The following GREM2 variants were observed in gnomAD, a reference collection of about 807,000 sequenced individuals.
GREM2 encodes the protein gremlin-2.
A neutral mutation model predicts 14.2 loss-of-function variants in GREM2; 11 were observed. That is an observed-to-expected ratio of 0.78 (90% CI 0.49 to 1.28). The LOEUF (loss-of-function observed/expected upper bound fraction) is 1.28, where lower values mean the gene tolerates loss of function less well. Ranked by LOEUF, GREM2 falls within the 50% of genes most tolerant of loss-of-function variation. The probability of loss-of-function intolerance (pLI) is 0.00; values close to 1 mark genes in which losing one functional copy is unlikely to be tolerated. For synonymous variants in GREM2, 98 were observed against 97.6 expected, an observed-to-expected ratio of 1.00 and a Z score of -0.02; for missense variants, 210 against 218.5, an observed-to-expected ratio of 0.96 and a Z score of 0.24.
At chr1:240,583,322 G>A (rs1439343321) in intron 1 of GREM2, among the ~76,000 whole-genome samples, 1 of 152,182 alleles carries the variant, frequency 6.6e-6, no homozygotes, top group Non-Finnish European at 1.5e-5. Context: ...TAAACATGCA[G>A]ACGTTATTTA....
rs150685843 is a variant in GREM2 at position 240,490,497 on chromosome 1, T to C, written c.*2472A>G. On this transcript the variant is annotated 3_prime_UTR_variant, in exon 2 of 2. Transcript: ENST00000318160. ...TGGCACGTCACACCGGGATCACATATAATCCTAGATTATCTTTATTTGTTC... is the reference window on the plus strand; with the variant it reads ...TGGCACGTCACACCGGGATCACATACAATCCTAGATTATCTTTATTTGTTC... 3.4e-3 allele frequency: 515 copies of C among 152,780 alleles called. No homozygotes were observed. The highest frequency in any genetic ancestry group is 0.012 in the African/African-American group (486 of 41,582). The allele number at this position is 152,780 out of a possible 1,614,324, so 9.5% of individuals were successfully genotyped here. A position where few individuals can be genotyped will look rare whatever the true frequency, so the allele number is the denominator to read the frequency against.
chr1:240,599,173 CA>C (rs1452220357), intron 1 of GREM2, among the ~76,000 whole-genome samples: 1 of 150,934 alleles, frequency 6.6e-6, no homozygotes, highest in Non-Finnish European at 1.5e-5. Context: ...GAGGCTGAGG[CA>C]GGAGAATTGC....
intron 1 of GREM2, among the ~76,000 whole-genome samples, chr1:240,525,112 T>G (rs1044349451): frequency 6.6e-6 from 1 of 152,150 alleles, no homozygotes; most frequent in Admixed American, 6.5e-5. Context: ...CTCACTTCCT[T>G]TCTCTCCCTT....
At chr1:240,562,979 T>TA (rs1679091180) in intron 1 of GREM2, among the ~76,000 whole-genome samples, 1 of 145,586 alleles carries the variant, frequency 6.9e-6, no homozygotes, top group African/African-American at 2.7e-5. Context: ...TATGTGTGTA[T>TA]ATGTAAGTGT....
chr1:240,492,667 A>C lies in GREM2; in HGVS notation c.*302T>G. 2 of 229,708 alleles carry C rather than the reference A, an allele frequency of 8.7e-6. No individual in the cohort carries two copies. The highest frequency in any genetic ancestry group is 1.7e-5 in the Non-Finnish European group (2 of 118,786). 14.2% of individuals were successfully genotyped at this position (229,708 alleles called of 1,614,324 possible). ...GCCGGATTTACAGTGCATCACCTCG[A>C]AAGGTCCTCTCTGACTGCTGGGTGG... On this transcript the variant is annotated 3_prime_UTR_variant, in exon 2 of 2. Coordinates refer to ENST00000318160, the MANE Select transcript of GREM2 (RefSeq NM_022469.4).
At chr1:240,496,855 C>T (rs1251869180) in intron 1 of GREM2, among the ~76,000 whole-genome samples, 2 of 151,966 alleles carry the variant, frequency 1.3e-5, no homozygotes, top group South Asian at 2.1e-4. Context: ...ACTAAAAATA[C>T]AAAAAAATTA....
intron 1 of GREM2, among the ~76,000 whole-genome samples, chr1:240,601,009 C>T (rs1259815046): frequency 1.3e-5 from 2 of 152,120 alleles, no homozygotes; most frequent in African/African-American, 4.8e-5. Flanking sequence ...ATTTGTTTAT[C>T]TCAGTTCACA....
At chr1:240,597,581 T>G (rs768281864) in intron 1 of GREM2, among the ~76,000 whole-genome samples, 8 of 152,190 alleles carry the variant, frequency 5.3e-5, no homozygotes, top group African/African-American at 1.9e-4. Context: ...TTTGTTTACA[T>G]GTTTGTTTCT....
At chr1:240,580,700 G>A (rs554331358) in intron 1 of GREM2, among the ~76,000 whole-genome samples, 2 of 152,076 alleles carry the variant, frequency 1.3e-5, no homozygotes, top group South Asian at 2.1e-4. Flanking sequence ...TCAGCCTCTC[G>A]AGTAGCCAAG....
chr1:240,507,185 TG>T (rs1404657436), intron 1 of GREM2, among the ~76,000 whole-genome samples: 2 of 152,228 alleles, frequency 1.3e-5, no homozygotes, highest in Non-Finnish European at 2.9e-5. Flanking sequence ...ATAAGATTAC[TG>T]AGCGGTAGAG....
chr1:240,535,011 T>A (rs990387593), intron 1 of GREM2, among the ~76,000 whole-genome samples: 1 of 152,144 alleles, frequency 6.6e-6, no homozygotes, highest in African/African-American at 2.4e-5. Flanking sequence ...TTGAGGTATA[T>A]CTGAGTAGAG....
intron 1 of GREM2, among the ~76,000 whole-genome samples, chr1:240,555,911 A>T (rs1167557261): frequency 6.6e-6 from 1 of 152,192 alleles, no homozygotes; most frequent in Non-Finnish European, 1.5e-5. Flanking sequence ...GTCACCTTTG[A>T]TTTAATAGCC....
Position 240,493,358 on chromosome 1 carries a change from T to TG in GREM2, c.117dup (p.Asn40GlnfsTer32). ...TGGTGCTGCCATCTCTCCGAGTTGT[T>TG]GCTGCTGCCGTCCTTGTAAGGCGAG... On this transcript the variant is annotated frameshift_variant, in exon 2 of 2. Coordinates refer to ENST00000318160, the MANE Select transcript of GREM2 (RefSeq NM_022469.4). LOFTEE classifies it high-confidence loss of function. The TG allele has an allele frequency of 6.2e-7, 1 of 1,614,000 alleles. No individual in the cohort carries two copies. Among genetic ancestry groups the TG allele is most frequent in the Non-Finnish European group, 8.5e-7 (1 of 1,180,028 alleles).
intron 1 of GREM2, among the ~76,000 whole-genome samples, chr1:240,577,603 C>T (rs1011305054): frequency 6.6e-6 from 1 of 152,150 alleles, no homozygotes. Context: ...ACTTGAAAAC[C>T]TCAACTTGAA....
chr1:240,607,920 A>G (rs1437920319), intron 1 of GREM2, among the ~76,000 whole-genome samples: 1 of 152,264 alleles, frequency 6.6e-6, no homozygotes, highest in African/African-American at 2.4e-5. Context: ...ACAAGAATGT[A>G]TGTGAAATAC....
chr1:240,514,253 A>G (rs1379771663), intron 1 of GREM2, among the ~76,000 whole-genome samples: 6 of 148,724 alleles, frequency 4.0e-5, no homozygotes, highest in Admixed American at 2.0e-4. Flanking sequence ...ATCTCAAAAA[A>G]AAAAAAAAAA....
At chr1:240,554,412 GA>G (rs765383055) in intron 1 of GREM2, among the ~76,000 whole-genome samples, 348 of 113,370 alleles carry the variant, frequency 3.1e-3, no homozygotes, top group Middle Eastern at 4.6e-3. Flanking sequence ...ACTCCGTCTC[GA>G]AAAAAAAAAA....
At chr1:240,607,025 G>A (rs552273383) in intron 1 of GREM2, among the ~76,000 whole-genome samples, 1 of 152,246 alleles carries the variant, frequency 6.6e-6, no homozygotes, top group East Asian at 1.9e-4. Flanking sequence ...CTTTTTGAAA[G>A]CTCTAAGTCT....
chr1:240,596,460 G>T (rs1558177892), intron 1 of GREM2, among the ~76,000 whole-genome samples: 1 of 152,170 alleles, frequency 6.6e-6, no homozygotes, highest in Non-Finnish European at 1.5e-5. Context: ...ACTTTGGGAG[G>T]CTGAGGCAGG....
Sources: allele counts gnomAD v4.1 joint callset (sites outside exome capture counted in the v4.1 genomes callset), GRCh38; gene constraint gnomAD v4.1.1; transcripts MANE v1.5; gene names NCBI Gene and HGNC (gene_info 2026-07-23, HGNC 2026-07-21).